The following GRIN2C variants were observed in gnomAD, a reference collection of about 807,000 sequenced individuals.
GRIN2C encodes glutamate ionotropic receptor NMDA type subunit 2C.
GRIN2C carries 64 observed loss-of-function variants against 77.7 expected under a neutral mutation model. That is an observed-to-expected ratio of 0.82 (90% CI 0.67 to 1.01). The LOEUF (loss-of-function observed/expected upper bound fraction) is 1.01, where lower values mean the gene tolerates loss of function less well. Ranked by LOEUF, GRIN2C falls within the 50% of genes least tolerant of loss-of-function variation. The pLI, the probability that GRIN2C is intolerant of heterozygous loss-of-function variation, is 0.00. For synonymous variants in GRIN2C, 792 were observed against 643.4 expected (o/e 1.23, Z -3.49); for missense variants, 1,549 against 1,486.0 (o/e 1.04, Z -0.70).
chr17:74,844,205 T>C (rs994033494), intron 12 of GRIN2C, 71 bp downstream of exon 12: 2 of 1,583,274 alleles, frequency 1.3e-6, no homozygotes, highest in African/African-American at 2.7e-5. Context: ...AAATGGGCCA[T>C]GGCCAGCCCG....
At chr17:74,851,985 T>A in intron 3 of GRIN2C, 28 bp downstream of exon 3, 1 of 1,457,260 alleles carries the variant, frequency 6.9e-7, no homozygotes, top group Non-Finnish European at 9.1e-7. Flanking sequence ...CCCACCTCCC[T>A]ACCCCTATGC....
At position 74,854,936 on chromosome 17, in the gene GRIN2C, G is replaced by C. The variant is rs371191120; in HGVS notation, c.157C>G (p.Gln53Glu). 3.2e-5 allele frequency: 51 copies of C among 1,613,216 alleles called. No homozygotes were observed. In the East Asian group the frequency reaches 3.8e-4, roughly 12 times the overall value. ...QAQFRARLTP[Q>E]SFLDLPLEIQ... ...TCCAGGGGTAGGTCCAGGAAGCTCT[G>C]GGGGGTGAGGCGGGCACGGAACTGG... The change falls in exon 2 of 13, where the codon CAG (glutamine) becomes GAG (glutamate). Residue 53 changes from glutamine (Q) to glutamate (E), a missense_variant. Around this residue, in one of 3 missense-constraint regions of GRIN2C, gnomAD observed 382 missense variants for 360.0 expected, o/e 1.06. Coordinates refer to ENST00000293190, the MANE Select transcript of GRIN2C (RefSeq NM_000835.6).
intron 1 of GRIN2C, among the ~76,000 whole-genome samples, chr17:74,857,856 T>TA (rs753378442): frequency 9.2e-5 from 14 of 152,196 alleles, no homozygotes; most frequent in African/African-American, 3.4e-4. Flanking sequence ...AAAAAGAATG[T>TA]AAAAAATCTC....
rs541533735 is a variant in GRIN2C, at chr17:74,859,274, C to T, written c.-16+470G>A. ...CCCAGAGAGGATGGCAGTGGTCAGT[C>T]CTGCAGGACACAGCAGCATCTAGAA... On this transcript the variant is annotated intron_variant, in intron 1 of 12. Transcript: ENST00000293190. This position sits in a 1 kb window ranked among gnomAD's most constrained non-coding sequence, Gnocchi z 5.9. 6.6e-6 allele frequency among the ~76,000 whole-genome samples: 1 copy of T among 152,320 alleles called. No homozygotes were observed. Among genetic ancestry groups the T allele is most frequent in the South Asian group, 2.1e-4 (1 of 4,830 alleles).
At position 74,847,997 on chromosome 17, in the gene GRIN2C, G is replaced by T; in HGVS notation, c.1646-20C>A. On this transcript the variant is annotated intron_variant, in intron 7 of 12. Coordinates refer to ENST00000293190, the MANE Select transcript of GRIN2C (RefSeq NM_000835.6). The surrounding 1 kb of genome is among the most constrained non-coding windows in gnomAD (Gnocchi z 5.2). ...ATGGCTCTGGGGACAGAGGGAGGCAGCTCAGAGGCCTCGGCATGTTCCCTG... is the reference window on the plus strand; with the variant it reads ...ATGGCTCTGGGGACAGAGGGAGGCATCTCAGAGGCCTCGGCATGTTCCCTG... 1.9e-6 allele frequency: 3 copies of T among 1,613,512 alleles called. No individual in the cohort carries two copies. The highest frequency in any genetic ancestry group is 2.5e-6 in the Non-Finnish European group (3 of 1,179,520).
At chr17:74,848,125 C>T in intron 7 of GRIN2C, 148 bp from the exon 8 acceptor site, 1 of 783,610 alleles carries the variant, frequency 1.3e-6, no homozygotes, top group South Asian at 1.7e-5. Context: ...TGACTCAGAG[C>T]AGCAGAGCCC....
At chr17:74,855,841 C>G (rs957758135) in intron 1 of GRIN2C, among the ~76,000 whole-genome samples, 4 of 152,254 alleles carry the variant, frequency 2.6e-5, no homozygotes, top group Admixed American at 2.6e-4. Context: ...TGGCACAGAG[C>G]CCCCTCCTCC....
At chr17:74,860,541 A>C (rs1489892177), upstream of GRIN2C, 1 of 454,252 alleles carries the variant, frequency 2.2e-6, no homozygotes, top group Admixed American at 2.4e-5. Flanking sequence ...CCGCGTAGGC[A>C]GGAAACAGGA....
At position 74,851,560 on chromosome 17, in the gene GRIN2C, G is replaced by A. The variant is rs915362562; in HGVS notation, c.1113+17C>T. 12 of 1,477,582 alleles carry A rather than the reference G, an allele frequency of 8.1e-6. No homozygotes were observed. The highest frequency in any genetic ancestry group is 1.1e-5 in the Non-Finnish European group (12 of 1,079,098). 91.5% of individuals were successfully genotyped at this position (1,477,582 alleles called of 1,614,324 possible). ...ATAAGAGGACACTGAGGGCCCCTGG[G>A]CTCACCCCCTTCTCACCATCTCCCA... On this transcript the variant is annotated intron_variant, in intron 4 of 12. Transcript: ENST00000293190.
In GRIN2C at chr17:74,847,031, C is replaced by A. The variant is rs2037478599; in HGVS notation, c.2002-111G>T. The stretch of plus-strand genomic sequence containing the variant: ...CCAGTGTGGACTTGCATAGTCAGAG[C>A]AGAAGGTCTTAAAGGCTGTCCAGGC... On this transcript the variant is annotated intron_variant, in intron 9 of 12. Coordinates refer to ENST00000293190, the MANE Select transcript of GRIN2C (RefSeq NM_000835.6). The surrounding 1 kb of genome is among the most constrained non-coding windows in gnomAD (Gnocchi z 5.2). 1.7e-6 allele frequency: 2 copies of A among 1,198,440 alleles called. No individual in the cohort carries two copies. The highest frequency in any genetic ancestry group is 2.3e-6 in the Non-Finnish European group (2 of 856,706). 74.2% of individuals were successfully genotyped at this position (1,198,440 alleles called of 1,614,324 possible).
At chr17:74,851,788 G>A in intron 3 of GRIN2C, 97 bp from the exon 4 acceptor site, 1 of 804,902 alleles carries the variant, frequency 1.2e-6, no homozygotes, top group Non-Finnish European at 2.1e-6. Context: ...CATTGATTGT[G>A]TTTATTGTTC....
In GRIN2C at chr17:74,843,067, G is replaced by A; in HGVS notation, c.3070C>T (p.Pro1024Ser). 2.2e-6 allele frequency: 1 copy of A among 460,396 alleles called. No individual in the cohort carries two copies. The highest frequency in any genetic ancestry group is 3.9e-6 in the Non-Finnish European group (1 of 257,304). 28.5% of individuals were successfully genotyped at this position (460,396 alleles called of 1,614,324 possible). ...AAGGAGCTGTAGTGACAGCGCGCGG[G>A]CGACAGGGGCCGCTCGGAGGCCGAG... ...HLSASERPLS[P>S]ARCHYSSFPR... Residue 1024 changes from proline to serine, a missense_variant, in exon 13 of 13, where the codon CCC becomes TCC. By Grantham distance (74) the Pro-to-Ser change is moderately conservative. Around this residue, in one of 3 missense-constraint regions of GRIN2C, gnomAD observed 450 missense variants for 267.9 expected, o/e 1.68. Coordinates refer to ENST00000293190, the MANE Select transcript of GRIN2C (RefSeq NM_000835.6).
intron 1 of GRIN2C, among the ~76,000 whole-genome samples, chr17:74,855,918 G>C (rs1350609611): frequency 6.6e-6 from 1 of 152,258 alleles, no homozygotes; most frequent in Admixed American, 6.5e-5. Context: ...TTCCGCAGCA[G>C]GGTGCAACAG....
chr17:74,854,538 C>T (rs2037755857), intron 2 of GRIN2C, 156 bp downstream of exon 2: 1 of 616,258 alleles, frequency 1.6e-6, no homozygotes, highest in Non-Finnish European at 2.9e-6. Flanking sequence ...CATGGGATGT[C>T]ATTCCCATAA....
Position 74,849,940 on chromosome 17 carries a change from G to A in GRIN2C, c.1492-7C>T, listed in dbSNP as rs183818139. 9.9e-4 allele frequency: 1,590 copies of A among 1,610,698 alleles called. 13 individuals are homozygous for A. The African/African-American group carries it at 0.019, about 19-fold the overall frequency. ...CTGCCCGCTTGTAGTACACCTGGGGGCCGGACGCCACGGAGGTTTGAAAAA... is the reference window on the plus strand; with the variant it reads ...CTGCCCGCTTGTAGTACACCTGGGGACCGGACGCCACGGAGGTTTGAAAAA... On this transcript the variant is annotated splice_polypyrimidine_tract_variant and splice_region_variant and intron_variant, in intron 6 of 12. Coordinates refer to ENST00000293190, the MANE Select transcript of GRIN2C (RefSeq NM_000835.6). This position sits in a 1 kb window ranked among gnomAD's most constrained non-coding sequence, Gnocchi z 4.6.
At chr17:74,856,998 G>A (rs2037838092) in intron 1 of GRIN2C, among the ~76,000 whole-genome samples, 1 of 152,168 alleles carries the variant, frequency 6.6e-6, no homozygotes, top group African/African-American at 2.4e-5. Context: ...TGGCCCGTGT[G>A]TGCTGAGCCC....
At position 74,851,672 on chromosome 17, in the gene GRIN2C, A is replaced by C. The variant is rs1349786294; in HGVS notation, c.1018T>G (p.Trp340Gly). Residue 340 changes from tryptophan (W) to glycine (G), a missense_variant, in exon 4 of 13, where the codon TGG becomes GGG. Physicochemically the swap from Trp to Gly is radical, Grantham distance 184. This residue lies in a region of GRIN2C where 717 missense variants were observed against 858.1 expected (regional missense o/e 0.84). Transcript: ENST00000293190. ...CTGAAGGAGAAGTCTCGGCCCTCCC[A>C]GGTGACATTCAGTAGGTGCCTGCCA... ...AFYRHLLNVT[W>G]EGRDFSFSPG... The C allele has an allele frequency of 6.4e-7, 1 of 1,567,984 alleles. No homozygotes were observed. The highest frequency in any genetic ancestry group is 1.2e-5 in the South Asian group (1 of 85,262).
chr17:74,847,679 AGTGAGCTCACGT>A lies in GRIN2C; in HGVS notation c.1772-154_1772-143del. 1 of 848,180 alleles carries A rather than the reference AGTGAGCTCACGT, an allele frequency of 1.2e-6. No individual in the cohort carries two copies. Among genetic ancestry groups the A allele is most frequent in the South Asian group, 1.6e-5 (1 of 63,218 alleles). The allele number at this position is 848,180 out of a possible 1,614,324, so 52.5% of individuals were successfully genotyped here. A position where few individuals can be genotyped will look rare whatever the true frequency, so the allele number is the denominator to read the frequency against. ...TCCTGGCCATTCCCTCGCCAGGTGA[AGTGAGCTCACGT>A]GTGTGTTTCTGTGTGTGTGTGTCAT... On this transcript the variant is annotated intron_variant, in intron 8 of 12. Coordinates refer to ENST00000293190, the MANE Select transcript of GRIN2C (RefSeq NM_000835.6). The surrounding 1 kb of genome is among the most constrained non-coding windows in gnomAD (Gnocchi z 5.2).
At chr17:74,851,416 C>A in intron 4 of GRIN2C, 161 bp downstream of exon 4, 1 of 590,488 alleles carries the variant, frequency 1.7e-6, no homozygotes, top group Non-Finnish European at 3.1e-6. Context: ...CCCGGGGCAC[C>A]TGGAGGCTTC....
Sources: gnomAD v4.1 joint callset for allele counts (sites outside exome capture counted in the v4.1 genomes callset) on GRCh38, gnomAD v4.1.1 for gene constraint, gnomAD v4.1.1 regional missense constraint, Gnocchi (gnomAD v3.1) non-coding constraint, MANE v1.5 for transcripts, NCBI Gene and HGNC (gene_info 2026-07-23, HGNC 2026-07-21) for gene names.